NBPF20: variants seen among roughly 807,000 people sequenced by gnomAD.
NBPF20 encodes NBPF member 20.
In NBPF20, 90 loss-of-function variants were observed where a neutral mutation model predicts 68.1. The ratio of observed to expected loss-of-function variants is 1.32; its 90% CI spans 1.11 to 1.58. The LOEUF is 1.58. Among genes scored for constraint, NBPF20 ranks in the 40% most tolerant of loss-of-function variants. NBPF20 has a pLI of 0.00. For synonymous variants in NBPF20, 290 were observed against 228.1 expected (o/e 1.27, Z -2.45); for missense variants, 816 against 601.2 (o/e 1.36, Z -3.74).
intron 6 of NBPF20, among the ~76,000 whole-genome samples, chr1:145,399,979 G>C (rs1471791862): frequency 2.0e-5 from 3 of 152,148 alleles, no homozygotes; most frequent in South Asian, 2.1e-4. Context: ...TGAAAGCTGA[G>C]AGCAGTGAAG....
At chr1:145,291,424 C>T (rs1553657469) in exon 138 of NBPF20, 1 of 1,608,970 alleles carries the variant, frequency 6.2e-7, no homozygotes, top group Non-Finnish European at 8.5e-7. Context: ...CTGACCCATC[C>T]TATGTCTGGG....
At chr1:145,399,519 A>G (rs1662412815) in intron 6 of NBPF20, among the ~76,000 whole-genome samples, 1 of 148,110 alleles carries the variant, frequency 6.8e-6, no homozygotes, top group Admixed American at 6.8e-5. Flanking sequence ...CTTGCTTTAA[A>G]AAGAATCTGT....
At chr1:145,393,620 A>T in intron 9 of NBPF20, 2 of 791,572 alleles carry the variant, frequency 2.5e-6, no homozygotes, top group South Asian at 1.8e-5. Flanking sequence ...TTTGCATAAA[A>T]TGTGCTCAAG....
chr1:145,405,120 C>T, exon 2 of NBPF20: 1 of 1,613,706 alleles, frequency 6.2e-7, no homozygotes, highest in Non-Finnish European at 8.5e-7. Flanking sequence ...GCTGGTTGGC[C>T]AGGAAGCCGG....
chr1:145,290,137 C>A (rs1273485699), exon 138 of NBPF20: 6 of 148,294 alleles, frequency 4.0e-5, no homozygotes, highest in African/African-American at 1.0e-4. Context: ...AAAATTGAGA[C>A]CCAAAATTTG....
At chr1:145,407,490 GAATA>G (rs1407349568), upstream of NBPF20, among the ~76,000 whole-genome samples, 27 of 142,158 alleles carry the variant, frequency 1.9e-4, no homozygotes, top group East Asian at 1.0e-3. Context: ...ACAAACACAT[GAATA>G]TATATAATAT....
chr1:145,291,532 T>C, exon 138 of NBPF20: 3 of 1,611,984 alleles, frequency 1.9e-6, no homozygotes, highest in Non-Finnish European at 2.5e-6. Context: ...CTGTTTATTG[T>C]GGGAATATGA....
the NBPF20 span, among the ~76,000 whole-genome samples, chr1:145,424,683 C>G: frequency 2.0e-5 from 3 of 152,128 alleles, no homozygotes; most frequent in Non-Finnish European, 4.4e-5. Context: ...GAAAGGACGC[C>G]AAATGAGAAG....
intron 7 of NBPF20, among the ~76,000 whole-genome samples, chr1:145,397,871 A>T (rs1424978022): frequency 1.2e-4 from 18 of 152,188 alleles, no homozygotes; most frequent in Non-Finnish European, 2.4e-4. Flanking sequence ...ATAGGCTCAA[A>T]CTAAAGGGAT....
chr1:145,394,693 A>C (rs1178121898), intron 8 of NBPF20, among the ~76,000 whole-genome samples: 1 of 151,960 alleles, frequency 6.6e-6, no homozygotes, highest in Non-Finnish European at 1.5e-5. Flanking sequence ...TGTGCTGCAT[A>C]GTTTGGTGTG....
In NBPF20 at chr1:145,291,443, T is replaced by G. The variant is rs587765973; in HGVS notation, c.*83A>C. The G allele has an allele frequency of 2.7e-4, 434 of 1,611,498 alleles. 2 individuals are homozygous for G. In the Middle Eastern group the frequency reaches 5.9e-3, roughly 22 times the overall value. ...CCCATCCTATGTCTGGGCTTCCAAA[T>G]GGAACTGTACTTTCATTCAAATCTT... On this transcript the variant is annotated 3_prime_UTR_variant, in exon 138 of 138. Transcript: ENST00000369373.
chr1:145,393,406 G>A (rs1553662603), intron 9 of NBPF20, among the ~76,000 whole-genome samples, 160 bp from the exon 15 acceptor site: 2 of 151,248 alleles, frequency 1.3e-5, no homozygotes, highest in African/African-American at 4.9e-5. Context: ...GATAGACTAG[G>A]GCCAGGTAGA....
chr1:145,403,175 A>C (rs2101582333), intron 3 of NBPF20, 41 bp downstream of exon 8: 1 of 1,611,126 alleles, frequency 6.2e-7, no homozygotes, highest in East Asian at 2.2e-5. Context: ...TCAGAGATTT[A>C]CACACCTGCC....
At chr1:145,340,933 G>C (rs1661603580) in exon 76 of NBPF20, 21 of 146,268 alleles carry the variant, frequency 1.4e-4, no homozygotes, top group South Asian at 6.7e-4. Context: ...GCAGCTCCCT[G>C]CTGAGCCTGG....
upstream of NBPF20, among the ~76,000 whole-genome samples, chr1:145,409,223 C>T (rs370161192): frequency 1.9e-4 from 29 of 151,694 alleles, no homozygotes; most frequent in Non-Finnish European, 3.5e-4. Flanking sequence ...TGTAATGTCT[C>T]GTAAATACTG....
chr1:145,401,119 T>A, exon 5 of NBPF20: 2 of 1,606,064 alleles, frequency 1.2e-6, no homozygotes, highest in Non-Finnish European at 1.7e-6. Context: ...TTCATCGTCA[T>A]CGTTGTCATT....
chr1:145,425,145 T>A, the NBPF20 span, among the ~76,000 whole-genome samples: 1 of 152,090 alleles, frequency 6.6e-6, no homozygotes, highest in Admixed American at 6.5e-5. Context: ...GCCCAAGAGA[T>A]GAGGGCTGCG....
chr1:145,415,139 A>G, the NBPF20 span, among the ~76,000 whole-genome samples: 1 of 151,886 alleles, frequency 6.6e-6, no homozygotes, highest in Non-Finnish European at 1.5e-5. Flanking sequence ...AAACACGTGA[A>G]CAAATGTCTC....
chr1:145,393,832 G>C, intron 9 of NBPF20, 52 bp downstream of exon 14: 4 of 1,296,880 alleles, frequency 3.1e-6, no homozygotes, highest in Non-Finnish European at 4.4e-6. Context: ...CCTGGACTTG[G>C]CATCTCCAGG....
Sources: allele counts gnomAD v4.1 joint callset (sites outside exome capture counted in the v4.1 genomes callset), GRCh38; gene constraint gnomAD v4.1.1; transcripts MANE v1.5; gene names NCBI Gene and HGNC (gene_info 2026-07-23, HGNC 2026-07-21).